GLIS3: variants seen among roughly 807,000 people sequenced by gnomAD.
GLIS3 encodes the protein zinc finger protein GLIS3.
A neutral mutation model predicts 78.6 loss-of-function variants in GLIS3; 53 were observed. The ratio of observed to expected loss-of-function variants is 0.67; its 90% CI spans 0.54 to 0.85. GLIS3 has a LOEUF of 0.85. Ranked by LOEUF, GLIS3 falls within the 40% of genes least tolerant of loss-of-function variation. GLIS3 has a pLI of 0.00. For missense variants in GLIS3, 1,703 were observed against 1,231.1 expected (o/e 1.38, Z -5.74); for synonymous variants, 684 against 509.9 (o/e 1.34, Z -4.60).
the GLIS3 span, among the ~76,000 whole-genome samples, chr9:4,481,755 G>C: frequency 5.2e-4 from 79 of 152,006 alleles, no homozygotes; most frequent in Admixed American, 5.0e-3. Flanking sequence ...TATTTTTTTC[G>C]TTATAAGTTT....
At chr9:4,037,677 AAATAGGTAATAACCTTGCC>A (rs1227424146) in intron 4 of GLIS3, among the ~76,000 whole-genome samples, 1 of 152,162 alleles carries the variant, frequency 6.6e-6, no homozygotes, top group Non-Finnish European at 1.5e-5. Context: ...AGAAACAGAA[AAATAGGTAATAACCTTGCC>A]AACAGACTCG....
intron 9 of GLIS3, chr9:3,855,756 C>T: frequency 6.2e-6 from 3 of 486,430 alleles, no homozygotes; most frequent in East Asian, 4.0e-5. Flanking sequence ...GTGTTAGAGC[C>T]CTGGCCAATG....
chr9:4,433,305 A>C, the GLIS3 span, among the ~76,000 whole-genome samples: 3 of 152,164 alleles, frequency 2.0e-5, no homozygotes, highest in South Asian at 6.2e-4. Context: ...AGTGGTACAC[A>C]CCTGTAGTCC....
the GLIS3 span, among the ~76,000 whole-genome samples, chr9:4,372,800 G>A: frequency 1.3e-5 from 2 of 152,104 alleles, no homozygotes; most frequent in Admixed American, 6.5e-5. Context: ...AAGGAATCTT[G>A]TGCTATTATC....
chr9:4,329,843 C>A (rs1817658886), intron 2 of GLIS3, among the ~76,000 whole-genome samples: 1 of 152,136 alleles, frequency 6.6e-6, no homozygotes. Flanking sequence ...GCTGGTAATG[C>A]AATGATGAAT....
the GLIS3 span, among the ~76,000 whole-genome samples, chr9:4,481,036 T>G: frequency 6.6e-6 from 1 of 152,178 alleles, no homozygotes; most frequent in East Asian, 1.9e-4. Flanking sequence ...TTGTATTTTT[T>G]GTAGAGACAG....
At chr9:3,949,566 A>T (rs1431636986) in intron 4 of GLIS3, among the ~76,000 whole-genome samples, 1 of 152,224 alleles carries the variant, frequency 6.6e-6, no homozygotes, top group African/African-American at 2.4e-5. Flanking sequence ...GGATTAATAC[A>T]AATTTACCAA....
chr9:4,261,756 G>A (rs182212993), intron 2 of GLIS3, among the ~76,000 whole-genome samples: 41 of 152,274 alleles, frequency 2.7e-4, no homozygotes, highest in Non-Finnish European at 5.7e-4. Context: ...ATTTCAGAGA[G>A]TCTTTAAAGC....
intron 9 of GLIS3, among the ~76,000 whole-genome samples, chr9:3,844,010 TG>T (rs1270013514): frequency 6.6e-6 from 1 of 152,154 alleles, no homozygotes; most frequent in East Asian, 1.9e-4. Flanking sequence ...CTGAACAATC[TG>T]GTTAGAGAGG....
At chr9:4,119,122 A>T (rs1831990737) in intron 3 of GLIS3, among the ~76,000 whole-genome samples, 1 of 152,196 alleles carries the variant, frequency 6.6e-6, no homozygotes, top group Non-Finnish European at 1.5e-5. Context: ...GTAACAAAAG[A>T]TCTATTGTTA....
At chr9:3,945,737 C>T (rs1816249156) in intron 4 of GLIS3, among the ~76,000 whole-genome samples, 2 of 151,816 alleles carry the variant, frequency 1.3e-5, no homozygotes, top group African/African-American at 4.8e-5. Flanking sequence ...TGATCTGCCT[C>T]GGAAATATAT....
chr9:4,059,066 C>T (rs1245618711), intron 4 of GLIS3, among the ~76,000 whole-genome samples: 2 of 152,098 alleles, frequency 1.3e-5, no homozygotes, highest in African/African-American at 4.8e-5. Context: ...GACCCTGAGT[C>T]ATCTAATCTA....
At chr9:4,399,070 G>T in the GLIS3 span, among the ~76,000 whole-genome samples, 1 of 152,112 alleles carries the variant, frequency 6.6e-6, no homozygotes, top group African/African-American at 2.4e-5. Flanking sequence ...AACATTTTAC[G>T]ATAACAACCA....
intron 2 of GLIS3, among the ~76,000 whole-genome samples, chr9:4,264,381 T>A (rs1162919576): frequency 6.6e-6 from 1 of 152,226 alleles, no homozygotes; most frequent in African/African-American, 2.4e-5. Flanking sequence ...GGTTGTCTTG[T>A]TTTCACTCTT....
intron 4 of GLIS3, among the ~76,000 whole-genome samples, chr9:4,031,000 G>A (rs1434513721): frequency 6.6e-6 from 1 of 152,170 alleles, no homozygotes; most frequent in African/African-American, 2.4e-5. Flanking sequence ...AAAATAACAA[G>A]TGTTGGCCAG....
intron 3 of GLIS3, among the ~76,000 whole-genome samples, chr9:4,120,687 G>T (rs955861127): frequency 6.6e-6 from 1 of 152,140 alleles, no homozygotes; most frequent in African/African-American, 2.4e-5. Flanking sequence ...TACACCCGCA[G>T]GTTGAGAAGG....
the GLIS3 span, among the ~76,000 whole-genome samples, chr9:4,452,541 C>A: frequency 3.3e-5 from 5 of 152,002 alleles, no homozygotes; most frequent in Middle Eastern, 0.01. Context: ...AGGCAAACAG[C>A]CAAATCATGA....
At chr9:3,981,222 G>A (rs753234296) in intron 4 of GLIS3, among the ~76,000 whole-genome samples, 1 of 152,176 alleles carries the variant, frequency 6.6e-6, no homozygotes, top group South Asian at 2.1e-4. Flanking sequence ...TATTAAAGGA[G>A]ACAGGACTTT....
At chr9:4,184,189 T>A (rs1019254245) in intron 2 of GLIS3, among the ~76,000 whole-genome samples, 1 of 152,216 alleles carries the variant, frequency 6.6e-6, no homozygotes, top group African/African-American at 2.4e-5. Flanking sequence ...AGCCAACTCT[T>A]GATTATCCTT....
Sources: allele counts gnomAD v4.1 joint callset (sites outside exome capture counted in the v4.1 genomes callset), GRCh38; gene constraint gnomAD v4.1.1; transcripts MANE v1.5; gene names NCBI Gene and HGNC (gene_info 2026-07-23, HGNC 2026-07-21).